SLC13A3: variants seen among roughly 807,000 people sequenced by gnomAD.
SLC13A3 encodes Na(+)/dicarboxylate cotransporter 3.
SLC13A3 carries 40 observed loss-of-function variants against 59.0 expected under a neutral mutation model. The observed-to-expected ratio is 0.68, with a 90% CI of 0.53 to 0.88. The LOEUF (loss-of-function observed/expected upper bound fraction) is 0.88. Ranked by LOEUF, SLC13A3 falls within the 40% of genes least tolerant of loss-of-function variation. The probability of loss-of-function intolerance (pLI) is 0.00; values close to 1 mark genes in which losing one functional copy is unlikely to be tolerated. For synonymous variants in SLC13A3, 317 were observed against 330.3 expected (o/e 0.96, Z 0.44); for missense variants, 699 against 783.2 (o/e 0.89, Z 1.28).
In SLC13A3 at chr20:46,564,155, T is replaced by C. The variant is rs74687861; in HGVS notation, c.1495-604A>G. Among the ~76,000 whole-genome samples the C allele has an allele frequency of 1.3e-3, 205 of 152,294 alleles. No homozygotes were observed. The East Asian group carries it at 0.021, about 16-fold the overall frequency. ...TCAGCCAAACAATCTCAACCCAGAG[T>C]TGGCCTCTGGATACCTCTTGTTGGG... On this transcript the variant is annotated intron_variant, in intron 11 of 12. Transcript: ENST00000279027.
chr20:46,616,895 C>T (rs924875741), intron 1 of SLC13A3, among the ~76,000 whole-genome samples: 8 of 152,214 alleles, frequency 5.3e-5, no homozygotes, highest in Non-Finnish European at 1.0e-4. Context: ...AGGGGCCTTC[C>T]TGAAGACATA....
At chr20:46,652,930 T>C (rs1424025495), upstream of SLC13A3, among the ~76,000 whole-genome samples, 1 of 152,220 alleles carries the variant, frequency 6.6e-6, no homozygotes, top group Non-Finnish European at 1.5e-5. Context: ...TCACTGTTTA[T>C]TTTATTTTAA....
At position 46,558,098 on chromosome 20, in the gene SLC13A3, T is replaced by TAC. The variant is rs1207568703; in HGVS notation, c.*1923_*1924insGT. The TAC allele has an allele frequency of 9.7e-6, 1 of 102,760 alleles. No individual in the cohort carries two copies. Among genetic ancestry groups the TAC allele is most frequent in the African/African-American group, 3.8e-5 (1 of 25,978 alleles). 6.4% of individuals were successfully genotyped at this position (102,760 alleles called of 1,614,324 possible). On this transcript the variant is annotated 3_prime_UTR_variant, in exon 13 of 13. Coordinates refer to ENST00000279027, the MANE Select transcript of SLC13A3 (RefSeq NM_022829.6). ...AGAAAATAAGTTATACAGTGTCCTATTAAGGAGAAATTATAGCAGAGTAAG... is the reference window on the plus strand; with the variant it reads ...AGAAAATAAGTTATACAGTGTCCTATACTAAGGAGAAATTATAGCAGAGTAAG...
chr20:46,614,127 CAG>C (rs761233662), intron 1 of SLC13A3, among the ~76,000 whole-genome samples: 1 of 152,184 alleles, frequency 6.6e-6, no homozygotes, highest in Non-Finnish European at 1.5e-5. Flanking sequence ...GAAGCCAATC[CAG>C]AGAGTGTCCC....
intron 5 of SLC13A3, among the ~76,000 whole-genome samples, chr20:46,592,909 G>A (rs1468577330): frequency 6.6e-6 from 1 of 152,218 alleles, no homozygotes; most frequent in Non-Finnish European, 1.5e-5. Flanking sequence ...GGGCCAGTAA[G>A]CCCAGGTTTG....
At chr20:46,583,985 A>C (rs1239733492) in intron 8 of SLC13A3, 1 of 985,188 alleles carries the variant, frequency 1.0e-6, no homozygotes, top group East Asian at 1.1e-4. Context: ...AGTCCTTGGA[A>C]CCCCTATAAA....
At position 46,600,423 on chromosome 20, in the gene SLC13A3, AAAGGAAGG is replaced by A. The variant is rs146953211; in HGVS notation, c.542-394_542-387del. 1.9e-3 allele frequency among the ~76,000 whole-genome samples: 246 copies of A among 130,066 alleles called. 1 individual carries two copies. Among genetic ancestry groups the A allele is most frequent in the East Asian group, 3.5e-3 (17 of 4,848 alleles). 85.3% of individuals were successfully genotyped at this position (130,066 alleles called of 152,430 possible). On this transcript the variant is annotated intron_variant, in intron 3 of 12. Coordinates refer to ENST00000279027, the MANE Select transcript of SLC13A3 (RefSeq NM_022829.6). ...GAAAGAAAGGAGGAAGGAAGGAAGG[AAAGGAAGG>A]AAGGAAGGAAGGAAAAGGAAAGGAA... is the stretch of plus-strand genomic sequence containing the variant.
chr20:46,659,889 T>C (rs923340955), intron 1 of SLC13A3, among the ~76,000 whole-genome samples: 5 of 152,206 alleles, frequency 3.3e-5, no homozygotes, highest in East Asian at 1.9e-4. Context: ...TGCTAGCTTA[T>C]GAGAAATGAC....
At chr20:46,673,508 G>A (rs1166561382), upstream of SLC13A3, among the ~76,000 whole-genome samples, 1 of 152,010 alleles carries the variant, frequency 6.6e-6, no homozygotes, top group Non-Finnish European at 1.5e-5. Context: ...AGTCTGCCTG[G>A]ATCTCCCTGT....
At chr20:46,644,339 T>C (rs1304380124) in intron 1 of SLC13A3, among the ~76,000 whole-genome samples, 2 of 152,170 alleles carry the variant, frequency 1.3e-5, no homozygotes, top group Admixed American at 1.3e-4. Flanking sequence ...AGTATGAGGT[T>C]GAACGATGAT....
intron 1 of SLC13A3, among the ~76,000 whole-genome samples, chr20:46,647,882 C>T (rs1319780648): frequency 2.0e-5 from 3 of 152,224 alleles, no homozygotes; most frequent in Non-Finnish European, 4.4e-5. Flanking sequence ...TGACAAATAA[C>T]TGAACATCTC....
intron 1 of SLC13A3, among the ~76,000 whole-genome samples, chr20:46,645,560 C>T (rs939262431): frequency 6.6e-6 from 1 of 152,208 alleles, no homozygotes; most frequent in Admixed American, 6.5e-5. Flanking sequence ...GCATAAAAAG[C>T]CAACTCCAGA....
intron 1 of SLC13A3, among the ~76,000 whole-genome samples, chr20:46,676,270 T>G (rs1568967811): frequency 1.3e-5 from 2 of 151,638 alleles, no homozygotes; most frequent in African/African-American, 2.4e-5. Flanking sequence ...ATGCCTGCAG[T>G]TTCATGAAAT....
At chr20:46,608,546 C>T (rs1405620047) in intron 3 of SLC13A3, among the ~76,000 whole-genome samples, 2 of 152,306 alleles carry the variant, frequency 1.3e-5, no homozygotes, top group Admixed American at 6.5e-5. Context: ...TGATCCTCAA[C>T]ACATCATCTC....
At chr20:46,675,565 C>CTT (rs915765663) in intron 1 of SLC13A3, among the ~76,000 whole-genome samples, 2 of 139,654 alleles carry the variant, frequency 1.4e-5, no homozygotes, top group Non-Finnish European at 3.1e-5. Context: ...TTCTTTCTTT[C>CTT]TTTTTTTTTT....
intron 11 of SLC13A3, among the ~76,000 whole-genome samples, chr20:46,564,628 A>ACC (rs1178634025): frequency 6.6e-6 from 1 of 151,886 alleles, no homozygotes; most frequent in East Asian, 1.9e-4. Context: ...GAGGACTCCC[A>ACC]CCCCATACTG....
At chr20:46,645,110 C>T (rs1319774173) in intron 1 of SLC13A3, among the ~76,000 whole-genome samples, 5 of 152,122 alleles carry the variant, frequency 3.3e-5, no homozygotes, top group Non-Finnish European at 5.9e-5. Context: ...TTCTGGAGGC[C>T]ACCTGCATTC....
At chr20:46,679,645 C>T (rs770006062) in intron 1 of SLC13A3, among the ~76,000 whole-genome samples, 4 of 150,812 alleles carry the variant, frequency 2.7e-5, no homozygotes, top group Non-Finnish European at 5.9e-5. Context: ...GATGGGCTCA[C>T]GCCTGTAATC....
At chr20:46,628,657 T>C (rs2062703653) in intron 1 of SLC13A3, among the ~76,000 whole-genome samples, 1 of 152,228 alleles carries the variant, frequency 6.6e-6, no homozygotes, top group South Asian at 2.1e-4. Context: ...TCTCTAGTGC[T>C]GGCCTGTCTA....
Sources: allele counts gnomAD v4.1 joint callset (sites outside exome capture counted in the v4.1 genomes callset), GRCh38; gene constraint gnomAD v4.1.1; transcripts MANE v1.5; gene names NCBI Gene and HGNC (gene_info 2026-07-23, HGNC 2026-07-21).